Variants in MRPL19 observed in about 807,000 individuals in gnomAD.
MRPL19 encodes mitochondrial ribosomal protein L19, also known as large ribosomal subunit protein bL19m.
In MRPL19, 31 loss-of-function variants were observed where a neutral mutation model predicts 34.0. That is an observed-to-expected ratio of 0.91 (90% CI 0.68 to 1.23). MRPL19 has a LOEUF of 1.23. Among genes scored for constraint, MRPL19 ranks in the 50% most tolerant of loss-of-function variants. The pLI is 0.00. For missense variants in MRPL19, 384 were observed against 367.6 expected, an observed-to-expected ratio of 1.04 and a Z score of -0.37; for synonymous variants, 152 against 127.7, an observed-to-expected ratio of 1.19 and a Z score of -1.28.
chr2:75,655,220 G>A lies in MRPL19; in HGVS notation c.814G>A (p.Glu272Lys). ...QPWLEFDMMR[E>K]YDTSKIEAAI... Reference sequence around the variant, plus strand: ...ATGGCTTGAATTTGATATGATGAGGGAATATGATACTTCAAAAATTGAAGC... The same window carrying A: ...ATGGCTTGAATTTGATATGATGAGGAAATATGATACTTCAAAAATTGAAGC... Residue 272 changes from glutamate to lysine, a missense_variant, in exon 6 of 6, where the codon GAA becomes AAA. Physicochemically the swap from Glu to Lys is moderately conservative, Grantham distance 56 (BLOSUM62 1). Coordinates refer to ENST00000393909, the MANE Select transcript of MRPL19 (RefSeq NM_014763.4). 1 of 1,613,316 alleles carries A rather than the reference G, an allele frequency of 6.2e-7. No individual in the cohort carries two copies.
Position 75,656,369 on chromosome 2 carries a change from C to T in MRPL19, c.*1084C>T, listed in dbSNP as rs1486724685. On this transcript the variant is annotated 3_prime_UTR_variant, in exon 6 of 6. Transcript: ENST00000393909. ...TATCCTAAATCTTGAAGGCAACTCT[C>T]AGCCTATCCATTGAGTTACCTTCAG... 2 of 152,196 alleles carry T rather than the reference C, an allele frequency of 1.3e-5. No homozygotes were observed. Among genetic ancestry groups the T allele is most frequent in the Non-Finnish European group, 2.9e-5 (2 of 68,038 alleles). 9.4% of individuals were successfully genotyped at this position (152,196 alleles called of 1,614,324 possible).
At position 75,657,101 on chromosome 2, in the gene MRPL19, A is replaced by G. The variant is rs1458987724; in HGVS notation, c.*1816A>G. The G allele has an allele frequency of 6.6e-6, 1 of 151,960 alleles. No homozygotes were observed. The highest frequency in any genetic ancestry group is 6.6e-5 in the Admixed American group (1 of 15,266). 9.4% of individuals were successfully genotyped at this position (151,960 alleles called of 1,614,324 possible). A position where few individuals can be genotyped will look rare whatever the true frequency, so the allele number is the denominator to read the frequency against. On this transcript the variant is annotated 3_prime_UTR_variant, in exon 6 of 6. Coordinates refer to ENST00000393909, the MANE Select transcript of MRPL19 (RefSeq NM_014763.4). ...ATAGTGTATTTTTTTTTCATTTAAA[A>G]TTGTTTGCGCATCTATTTCCTCCAA...
At chr2:75,647,299 T>C (rs1008704165) in intron 2 of MRPL19, 80 bp downstream of exon 2, 1 of 1,356,404 alleles carries the variant, frequency 7.4e-7, no homozygotes, top group Non-Finnish European at 1.0e-6. Context: ...GTCCCGGCTC[T>C]AAGGTGGGGG....
chr2:75,652,511 T>C lies in MRPL19; in HGVS notation c.341-12T>C. On this transcript the variant is annotated splice_polypyrimidine_tract_variant and intron_variant, in intron 3 of 5. Transcript: ENST00000393909. ...GCTGAAAAAAAAGTTCACTTCTCTT[T>C]TGAATTTGTAGGAAGTATTCTTCGT... 1 of 1,606,760 alleles carries C rather than the reference T, an allele frequency of 6.2e-7. No individual in the cohort carries two copies. The highest frequency in any genetic ancestry group is 1.1e-5 in the South Asian group (1 of 89,030).
rs139820015 is a variant in MRPL19 at position 75,654,101 on chromosome 2, C to T, written c.476-635C>T. On this transcript the variant is annotated intron_variant, in intron 4 of 5. Coordinates refer to ENST00000393909, the MANE Select transcript of MRPL19 (RefSeq NM_014763.4). ...GAACAGAAATTTATTTCTCACAGTTCGGGAGGCTGGGAAATCTAAGTTCAA... is the reference window on the plus strand; with the variant it reads ...GAACAGAAATTTATTTCTCACAGTTTGGGAGGCTGGGAAATCTAAGTTCAA... Among the ~76,000 whole-genome samples the T allele has an allele frequency of 7.4e-3, 1,127 of 152,170 alleles. 18 individuals are homozygous for T. Among genetic ancestry groups the T allele is most frequent in the African/African-American group, 0.026 (1,075 of 41,514 alleles).
In MRPL19 at chr2:75,660,349, T is replaced by TG. The variant is rs1431479822; in HGVS notation, c.*5065dup. 1.3e-5 allele frequency: 2 copies of TG among 152,232 alleles called. No individual in the cohort carries two copies. The highest frequency in any genetic ancestry group is 2.4e-5 in the African/African-American group (1 of 41,458). 9.4% of individuals were successfully genotyped at this position (152,232 alleles called of 1,614,324 possible). On this transcript the variant is annotated 3_prime_UTR_variant, in exon 6 of 6. Transcript: ENST00000393909. ...CTTTGCATAGTAAGTCCAATGTCTGTGTTTCTTCAGGGATGGTTTTCATTA... is the reference window on the plus strand; with the variant it reads ...CTTTGCATAGTAAGTCCAATGTCTGTGGTTTCTTCAGGGATGGTTTTCATTA...
chr2:75,652,498 G>A (rs779128442), intron 3 of MRPL19, 25 bp from the exon 4 acceptor site: 14 of 1,603,310 alleles, frequency 8.7e-6, no homozygotes, highest in Non-Finnish European at 1.1e-5. Context: ...TGAAAAAAAA[G>A]TTCACTTCTC....
rs768044059 is a variant in MRPL19, at chr2:75,650,288, AAAG to A, written c.222-1849_222-1847del. Among the ~76,000 whole-genome samples the A allele has an allele frequency of 3.0e-4, 46 of 152,258 alleles. 1 individual carries two copies. The highest frequency in any genetic ancestry group is 1.2e-3 in the Admixed American group (19 of 15,306). On this transcript the variant is annotated intron_variant, in intron 2 of 5. Transcript: ENST00000393909. ...GCTTAAAATCAGTTAAAGAAGAAAA[AAAG>A]AAGATTATTATTTTTTAAGCAAAAG...
At chr2:75,654,022 C>T (rs899832772) in intron 4 of MRPL19, among the ~76,000 whole-genome samples, 1 of 152,134 alleles carries the variant, frequency 6.6e-6, no homozygotes, top group Non-Finnish European at 1.5e-5. Flanking sequence ...TTTCTGGTGG[C>T]TTATTCTGTT....
chr2:75,649,196 C>G (rs1260883347), intron 2 of MRPL19, among the ~76,000 whole-genome samples: 2 of 152,158 alleles, frequency 1.3e-5, no homozygotes, highest in Non-Finnish European at 2.9e-5. Flanking sequence ...GGAAAAAAGT[C>G]CTAGTCTGAG....
At chr2:75,649,509 G>C (rs533512702) in intron 2 of MRPL19, among the ~76,000 whole-genome samples, 252 of 152,132 alleles carry the variant, frequency 1.7e-3, no homozygotes, top group Admixed American at 5.7e-3. Context: ...CAGATGATTG[G>C]ATACCTTTGT....
chr2:75,655,887 A>AG lies in MRPL19; in HGVS notation c.*602_*603insG, dbSNP rs1430769939. 2 of 151,848 alleles carry AG rather than the reference A, an allele frequency of 1.3e-5. No individual in the cohort carries two copies. Among genetic ancestry groups the AG allele is most frequent in the Non-Finnish European group, 2.9e-5 (2 of 67,994 alleles). 9.4% of individuals were successfully genotyped at this position (151,848 alleles called of 1,614,324 possible). A position where few individuals can be genotyped will look rare whatever the true frequency, so the allele number is the denominator to read the frequency against. ...ATTTAATTTTGAAAAACCTGAAAAA[A>AG]AAAACCTGTTAGCAAGTATAAAGGG... On this transcript the variant is annotated 3_prime_UTR_variant, in exon 6 of 6. Coordinates refer to ENST00000393909, the MANE Select transcript of MRPL19 (RefSeq NM_014763.4).
At chr2:75,650,958 G>C (rs1447553028) in intron 2 of MRPL19, among the ~76,000 whole-genome samples, 1 of 152,168 alleles carries the variant, frequency 6.6e-6, no homozygotes, top group Non-Finnish European at 1.5e-5. Context: ...CTGCAGTACA[G>C]AAGGCTCAGA....
chr2:75,651,356 G>T, intron 2 of MRPL19: 1 of 531,552 alleles, frequency 1.9e-6, no homozygotes, highest in South Asian at 1.4e-5. Context: ...TGGGGCAGGT[G>T]ACCAGTGAAT....
intron 2 of MRPL19, among the ~76,000 whole-genome samples, chr2:75,650,384 G>A (rs1678306328): frequency 6.6e-6 from 1 of 152,142 alleles, no homozygotes; most frequent in East Asian, 1.9e-4. Flanking sequence ...ACAATCCTGA[G>A]GTAAACAGGC....
At chr2:75,651,528 C>T (rs13417024) in intron 2 of MRPL19, 9,241 of 475,772 alleles carry the variant, frequency 0.019, 708 homozygotes, top group African/African-American at 0.17. Context: ...TTACAGTTGT[C>T]AGAACCTTCA....
At chr2:75,647,261 T>TGC in intron 2 of MRPL19, 42 bp downstream of exon 2, 1 of 1,536,044 alleles carries the variant, frequency 6.5e-7, no homozygotes, top group Non-Finnish European at 8.8e-7. Context: ...CTGGGGTCGG[T>TGC]GCGCGCGTGA....
rs1678242468 is a variant in MRPL19, at chr2:75,647,183, T to TC, written c.186dup (p.Val63ArgfsTer17). The TC allele has an allele frequency of 6.3e-7, 1 of 1,581,194 alleles. No homozygotes were observed. The highest frequency in any genetic ancestry group is 8.6e-7 in the Non-Finnish European group (1 of 1,163,240). On this transcript the variant is annotated frameshift_variant, in exon 2 of 6. Coordinates refer to ENST00000393909, the MANE Select transcript of MRPL19 (RefSeq NM_014763.4). LOFTEE classifies it high-confidence loss of function. ...TTCCAACCGCCGCCGAAACCGGTCA[T>TC]CGTGGACAAGCACCGCCCCGTGGAA...
Position 75,655,255 on chromosome 2 carries a change from G to A in MRPL19, c.849G>A (p.Trp283Ter), listed in dbSNP as rs1678421540. ...YDTSKIEAAIWKEIEASKRS is the reference protein window; with the variant it reads ...YDTSKIEAAI ...CTTCAAAAATTGAAGCTGCAATATG[G>A]AAGGAAATTGAAGCGTCGAAAAGGT... The change falls in exon 6 of 6, where the codon TGG becomes TGA. Residue 283 changes from tryptophan to a stop codon, truncating the protein, a stop_gained. Coordinates refer to ENST00000393909, the MANE Select transcript of MRPL19 (RefSeq NM_014763.4). LOFTEE classifies it high-confidence loss of function. 2.5e-6 allele frequency: 4 copies of A among 1,612,796 alleles called. No homozygotes were observed. The highest frequency in any genetic ancestry group is 3.4e-6 in the Non-Finnish European group (4 of 1,179,498).
Sources: gnomAD v4.1 joint callset for allele counts (sites outside exome capture counted in the v4.1 genomes callset) on GRCh38, gnomAD v4.1.1 for gene constraint, MANE v1.5 for transcripts, NCBI Gene and HGNC (gene_info 2026-07-23, HGNC 2026-07-21) for gene names.